The following RNLS variants were observed in gnomAD, a reference collection of about 807,000 sequenced individuals.
RNLS encodes renalase.
RNLS carries 39 observed loss-of-function variants against 39.8 expected under a neutral mutation model. The observed-to-expected ratio is 0.98, with a 90% confidence interval of 0.76 to 1.28. RNLS has a LOEUF of 1.28. Ranked by LOEUF, RNLS falls within the 50% of genes most tolerant of loss-of-function variation. The pLI, the probability that RNLS is intolerant of heterozygous loss-of-function variation, is 0.00. For synonymous variants in RNLS, 147 were observed against 150.7 expected, an observed-to-expected ratio of 0.98 and a Z score of 0.18; for missense variants, 410 against 413.3, an observed-to-expected ratio of 0.99 and a Z score of 0.07.
At chr10:88,308,780 A>G (rs1323035294) in intron 6 of RNLS, among the ~76,000 whole-genome samples, 2 of 152,212 alleles carry the variant, frequency 1.3e-5, no homozygotes, top group Non-Finnish European at 2.9e-5. Context: ...ATGCATACCC[A>G]AAGGAATATA....
chr10:88,388,286 T>A (rs1037476569), intron 4 of RNLS, among the ~76,000 whole-genome samples: 6 of 152,244 alleles, frequency 3.9e-5, no homozygotes, highest in African/African-American at 1.4e-4. Context: ...ATCACCATTG[T>A]TTTCTCCTTC....
chr10:88,446,760 C>T (rs1458387914), intron 4 of RNLS, among the ~76,000 whole-genome samples: 3 of 152,090 alleles, frequency 2.0e-5, no homozygotes, highest in Admixed American at 1.3e-4. Context: ...TGCAAAAATC[C>T]TCAATAAGAT....
chr10:88,244,505 T>A, the RNLS span, among the ~76,000 whole-genome samples: 1 of 152,190 alleles, frequency 6.6e-6, no homozygotes, highest in South Asian at 2.1e-4. Context: ...AGCCATTGTT[T>A]TTGGACTGCT....
At chr10:88,346,767 A>G (rs1782672614) in intron 5 of RNLS, among the ~76,000 whole-genome samples, 1 of 152,156 alleles carries the variant, frequency 6.6e-6, no homozygotes, top group Non-Finnish European at 1.5e-5. Context: ...AGTGTCTCTT[A>G]TTTTCAATCT....
chr10:88,383,456 A>G (rs1391225804), intron 4 of RNLS, among the ~76,000 whole-genome samples: 1 of 152,162 alleles, frequency 6.6e-6, no homozygotes, highest in Non-Finnish European at 1.5e-5. Flanking sequence ...ATCACATGTA[A>G]TGTCAAACTG....
rs116198864 is a variant in RNLS at position 88,545,487 on chromosome 10, C to T, written c.526+27416G>A. On this transcript the variant is annotated intron_variant, in intron 4 of 6. Coordinates refer to ENST00000331772, the MANE Select transcript of RNLS (RefSeq NM_001031709.3). The stretch of plus-strand genomic sequence containing the variant: ...GGCAGGCAAGACAGCATATGTACAA[C>T]TGCCCTTTACAAAACCATCAGATCT... 6.1e-4 allele frequency: 280 copies of T among 455,748 alleles called. 1 individual carries two copies. The highest frequency in any genetic ancestry group is 4.8e-3 in the African/African-American group (243 of 50,126). The allele number at this position is 455,748 out of a possible 1,614,324, so 28.2% of individuals were successfully genotyped here. A position where few individuals can be genotyped will look rare whatever the true frequency, so the allele number is the denominator to read the frequency against.
intron 4 of RNLS, among the ~76,000 whole-genome samples, chr10:88,403,122 G>A (rs1183342287): frequency 2.6e-5 from 4 of 151,792 alleles, no homozygotes; most frequent in Non-Finnish European, 4.4e-5. Flanking sequence ...ACCATACAGG[G>A]CAAAAATAAT....
At chr10:88,548,817 AT>A (rs1344901276) in intron 4 of RNLS, among the ~76,000 whole-genome samples, 1 of 151,628 alleles carries the variant, frequency 6.6e-6, no homozygotes, top group Non-Finnish European at 1.5e-5. Context: ...TTCTGAATAA[AT>A]CTGTATCTTG....
At chr10:88,297,581 G>T (rs1426963940) in intron 6 of RNLS, among the ~76,000 whole-genome samples, 1 of 152,082 alleles carries the variant, frequency 6.6e-6, no homozygotes, top group Non-Finnish European at 1.5e-5. Context: ...CATATGAATG[G>T]AATCATTCAA....
At chr10:88,406,791 C>T (rs2133676129) in intron 4 of RNLS, among the ~76,000 whole-genome samples, 1 of 152,144 alleles carries the variant, frequency 6.6e-6, no homozygotes, top group South Asian at 2.1e-4. Flanking sequence ...ATTGCAAAAT[C>T]ATGAAACCAA....
At chr10:88,198,072 C>A in the RNLS span, among the ~76,000 whole-genome samples, 1 of 152,338 alleles carries the variant, frequency 6.6e-6, no homozygotes, top group East Asian at 1.9e-4. Flanking sequence ...GTGATTGACT[C>A]TTGATCCCAC....
intron 4 of RNLS, among the ~76,000 whole-genome samples, chr10:88,530,302 C>T (rs186096957): frequency 1.8e-4 from 27 of 152,306 alleles, no homozygotes; most frequent in African/African-American, 6.0e-4. Flanking sequence ...GATCTTGTTT[C>T]TAAATGGTGA....
chr10:88,361,221 T>C (rs890683070), intron 5 of RNLS, among the ~76,000 whole-genome samples: 2 of 152,208 alleles, frequency 1.3e-5, no homozygotes, highest in African/African-American at 4.8e-5. Flanking sequence ...TTAATCTTAA[T>C]TACCTCCTAA....
intron 5 of RNLS, among the ~76,000 whole-genome samples, chr10:88,323,357 A>G (rs1272049957): frequency 1.3e-5 from 2 of 152,226 alleles, no homozygotes; most frequent in African/African-American, 4.8e-5. Flanking sequence ...CTCAAAGTAT[A>G]CTACAAGGCT....
the RNLS span, among the ~76,000 whole-genome samples, chr10:88,264,157 C>CT: frequency 6.6e-6 from 1 of 152,046 alleles, no homozygotes; most frequent in Non-Finnish European, 1.5e-5. Flanking sequence ...TATTTCATTC[C>CT]TTTTTATGGC....
the RNLS span, among the ~76,000 whole-genome samples, chr10:88,202,215 G>A: frequency 1.4e-5 from 2 of 147,536 alleles, no homozygotes; most frequent in Admixed American, 7.0e-5. Flanking sequence ...ACCAAGCACC[G>A]CATGTTCGCA....
At chr10:88,254,272 A>C in the RNLS span, among the ~76,000 whole-genome samples, 1 of 152,136 alleles carries the variant, frequency 6.6e-6, no homozygotes, top group Non-Finnish European at 1.5e-5. Context: ...CCCTGCCTCT[A>C]CCTATGACTA....
intron 4 of RNLS, among the ~76,000 whole-genome samples, chr10:88,477,269 C>T (rs924294136): frequency 7.9e-5 from 12 of 152,074 alleles, no homozygotes; most frequent in Admixed American, 2.0e-4. Context: ...GACTTGCTCA[C>T]AGAAAAACTG....
chr10:88,319,850 C>T (rs1846045996), intron 5 of RNLS, among the ~76,000 whole-genome samples: 1 of 151,906 alleles, frequency 6.6e-6, no homozygotes, highest in Non-Finnish European at 1.5e-5. Context: ...AAGAAAGCAA[C>T]CTGGAAAACA....
Sources: gnomAD v4.1 joint callset for allele counts (sites outside exome capture counted in the v4.1 genomes callset) on GRCh38, gnomAD v4.1.1 for gene constraint, MANE v1.5 for transcripts, NCBI Gene and HGNC (gene_info 2026-07-23, HGNC 2026-07-21) for gene names.